BLNK: variants seen among roughly 807,000 people sequenced by gnomAD.
BLNK encodes the protein B cell linker.
In BLNK, 29 loss-of-function variants were observed where a neutral mutation model predicts 73.5. That is an observed-to-expected ratio of 0.39 (90% CI 0.29 to 0.54). The LOEUF (loss-of-function observed/expected upper bound fraction) is 0.54. Ranked by LOEUF, BLNK falls within the 20% of genes least tolerant of loss-of-function variation. BLNK has a pLI of 0.61. For synonymous variants in BLNK, 176 were observed against 200.8 expected (o/e 0.88, Z 1.04); for missense variants, 460 against 562.8 (o/e 0.82, Z 1.85).
chr10:96,271,365 T>C lies in BLNK; in HGVS notation c.34A>G (p.Ser12Gly). The C allele has an allele frequency of 6.2e-7, 1 of 1,614,156 alleles. No homozygotes were observed. Among genetic ancestry groups the C allele is most frequent in the Non-Finnish European group, 8.5e-7 (1 of 1,180,004 alleles). ...GGAAAATCTTACCTCAACTTCTGAC[T>C]GGCGGGGACGGTTATTTTATTAAGC... is the stretch of plus-strand genomic sequence containing the variant. ...DKLNKITVPA[S>G]QKLRQLQKMV... is the part of the protein sequence containing the mutation. The change falls in exon 1 of 17, where the codon AGT (serine) becomes GGT (glycine). Residue 12 changes from serine to glycine, a missense_variant. Physicochemically the swap from Ser to Gly is moderately conservative, Grantham distance 56. Transcript: ENST00000224337.
intron 4 of BLNK, 118 bp downstream of exon 4, chr10:96,230,675 TC>T (rs782040754): frequency 7.3e-6 from 9 of 1,238,602 alleles, no homozygotes; most frequent in African/African-American, 1.5e-5. Flanking sequence ...AGGTGACCTT[TC>T]CAAGTCTTCC....
At chr10:96,210,731 C>G (rs1383951700) in intron 8 of BLNK, among the ~76,000 whole-genome samples, 1 of 152,188 alleles carries the variant, frequency 6.6e-6, no homozygotes, top group Non-Finnish European at 1.5e-5. Context: ...CTGCCTCAGA[C>G]ATGATGCTCA....
intron 1 of BLNK, among the ~76,000 whole-genome samples, chr10:96,251,121 T>C (rs1704127009): frequency 1.3e-5 from 2 of 152,232 alleles, no homozygotes; most frequent in Non-Finnish European, 2.9e-5. Flanking sequence ...ACTTTTTATA[T>C]TTTAAAGTTT....
At chr10:96,198,212 G>C (rs1292294265) in intron 15 of BLNK, among the ~76,000 whole-genome samples, 1 of 152,016 alleles carries the variant, frequency 6.6e-6, no homozygotes, top group Non-Finnish European at 1.5e-5. Flanking sequence ...AAACAACCAG[G>C]AGAGAAAATG....
chr10:96,217,120 T>C (rs370605439), intron 6 of BLNK, among the ~76,000 whole-genome samples: 134 of 152,310 alleles, frequency 8.8e-4, no homozygotes, highest in African/African-American at 3.0e-3. Context: ...TTTTCAAGGT[T>C]TTCCTGTGGT....
At chr10:96,229,654 C>CTGTGTG (rs10625497) in intron 4 of BLNK, among the ~76,000 whole-genome samples, 41,342 of 142,340 alleles carry the variant, frequency 0.29, 6,239 homozygotes, top group Non-Finnish European at 0.35. Context: ...TTACATGTGG[C>CTGTGTG]TGTGTGTGTG....
rs782547336 is a variant in BLNK, at chr10:96,191,993, A to T, written c.1351T>A (p.Tyr451Asn). 3 of 1,613,656 alleles carry T rather than the reference A, an allele frequency of 1.9e-6. No homozygotes were observed. Among genetic ancestry groups the T allele is most frequent in the Admixed American group, 1.7e-5 (1 of 60,004 alleles). ...CCCCTTTATGAAACTTTAACTGCAT[A>T]CTTCAGTCTGGTGGAATCTTTTGTG... is the stretch of plus-strand genomic sequence containing the variant. ...NNTKDSTRLK[Y>N]AVKVS is the part of the protein sequence containing the mutation. Residue 451 changes from tyrosine (Y) to asparagine (N), a missense_variant, in exon 17 of 17, where the codon TAT becomes AAT. Physicochemically the swap from Tyr to Asn is moderately radical, Grantham distance 143. Around this residue, in one of 3 missense-constraint regions of BLNK, gnomAD observed 88 missense variants for 143.4 expected, o/e 0.61. Coordinates refer to ENST00000224337, the MANE Select transcript of BLNK (RefSeq NM_013314.4).
intron 1 of BLNK, among the ~76,000 whole-genome samples, chr10:96,268,277 T>C (rs1366285203): frequency 6.6e-6 from 1 of 152,250 alleles, no homozygotes; most frequent in African/African-American, 2.4e-5. Flanking sequence ...AAGGGATATT[T>C]GCAAAGTGAT....
At chr10:96,239,677 T>G (rs1329276509) in intron 3 of BLNK, among the ~76,000 whole-genome samples, 2 of 151,984 alleles carry the variant, frequency 1.3e-5, no homozygotes, top group African/African-American at 4.8e-5. Flanking sequence ...TCAATGAGAT[T>G]TGGAGATTAA....
rs12220211 is a variant in BLNK, at chr10:96,206,517, C to T, written c.817+494G>A. 0.035 allele frequency among the ~76,000 whole-genome samples: 5,022 copies of T among 143,114 alleles called. 654 individuals are homozygous for T. In the East Asian group the frequency reaches 0.46, roughly 13 times the overall value. The allele number at this position is 143,114 out of a possible 152,430, so 93.9% of individuals were successfully genotyped here. A position where few individuals can be genotyped will look rare whatever the true frequency, so the allele number is the denominator to read the frequency against. ...TGAGCTATAATTATGCACCACTGCA[C>T]TCCAGTCTGGGCTACAAAGTGAGAC... is the stretch of plus-strand genomic sequence containing the variant. On this transcript the variant is annotated intron_variant, in intron 11 of 16. Coordinates refer to ENST00000224337, the MANE Select transcript of BLNK (RefSeq NM_013314.4).
intron 1 of BLNK, among the ~76,000 whole-genome samples, chr10:96,257,281 G>A (rs1380411271): frequency 6.6e-6 from 1 of 152,174 alleles, no homozygotes; most frequent in Non-Finnish European, 1.5e-5. Flanking sequence ...AGCCCTTGGA[G>A]ACCTTTCCTC....
chr10:96,204,926 A>ACC, intron 11 of BLNK: 1 of 362,584 alleles, frequency 2.8e-6, no homozygotes. Context: ...GGTGGAAGCC[A>ACC]GAAGATGAGA....
rs146900777 is a variant in BLNK, at chr10:96,256,989, T to C, written c.48-9940A>G. Among the ~76,000 whole-genome samples the C allele has an allele frequency of 2.1e-3, 322 of 151,918 alleles. 2 individuals are homozygous for C. Among genetic ancestry groups the C allele is most frequent in the African/African-American group, 7.5e-3 (313 of 41,460 alleles). The stretch of plus-strand genomic sequence containing the variant: ...TCTGAATGTTCTTTAACCCTTTCTC[T>C]CTCTCTTTGACTCTTCATCTCACAT... On this transcript the variant is annotated intron_variant, in intron 1 of 16. Transcript: ENST00000224337.
chr10:96,244,282 T>C (rs1352545780), intron 2 of BLNK, among the ~76,000 whole-genome samples: 1 of 152,138 alleles, frequency 6.6e-6, no homozygotes, highest in Non-Finnish European at 1.5e-5. Flanking sequence ...GGTGCCCAGG[T>C]TGGTTCAAGG....
intron 3 of BLNK, among the ~76,000 whole-genome samples, chr10:96,234,010 T>C (rs1299736884): frequency 1.3e-5 from 2 of 152,244 alleles, no homozygotes; most frequent in Admixed American, 1.3e-4. Context: ...TGGTAGGTGT[T>C]ATTTTTATCT....
intron 7 of BLNK, 119 bp downstream of exon 7, chr10:96,216,533 CA>C: frequency 1.2e-6 from 1 of 850,166 alleles, no homozygotes. Flanking sequence ...CACTGTGGCC[CA>C]GGGGAGAAAG....
At chr10:96,240,044 A>T (rs190066348) in intron 3 of BLNK, among the ~76,000 whole-genome samples, 54 of 152,326 alleles carry the variant, frequency 3.5e-4, no homozygotes, top group African/African-American at 1.2e-3. Flanking sequence ...TCTCAGACAG[A>T]TCTTCCCACA....
intron 3 of BLNK, among the ~76,000 whole-genome samples, chr10:96,237,764 T>C (rs1397395934): frequency 6.6e-6 from 1 of 152,204 alleles, no homozygotes; most frequent in African/African-American, 2.4e-5. Context: ...GCATGAACAC[T>C]TGAGCTTGGG....
At chr10:96,203,948 G>T in intron 13 of BLNK, 109 bp downstream of exon 13, 1 of 851,764 alleles carries the variant, frequency 1.2e-6, no homozygotes, top group Non-Finnish European at 2.0e-6. Flanking sequence ...GAAGATGCCA[G>T]GATAACGCAG....
Sources: gnomAD v4.1 joint callset for allele counts (sites outside exome capture counted in the v4.1 genomes callset) on GRCh38, gnomAD v4.1.1 for gene constraint, gnomAD v4.1.1 regional missense constraint, MANE v1.5 for transcripts, NCBI Gene and HGNC (gene_info 2026-07-23, HGNC 2026-07-21) for gene names.